ELAPOR2: variants seen among roughly 807,000 people sequenced by gnomAD.
The protein encoded by ELAPOR2 is endosome/lysosome-associated apoptosis and autophagy regulator family member 2.
Under a neutral mutation model 120.7 loss-of-function variants are expected in ELAPOR2, and 89 were observed. The ratio of observed to expected loss-of-function variants is 0.74; its 90% CI spans 0.62 to 0.88. ELAPOR2 has a LOEUF of 0.88. Ranked by LOEUF, ELAPOR2 falls within the 40% of genes least tolerant of loss-of-function variation. The pLI is 0.00. For synonymous variants in ELAPOR2, 444 were observed against 444.9 expected (o/e 1.00, Z 0.03); for missense variants, 1,134 against 1,251.6 (o/e 0.91, Z 1.42).
intron 18 of ELAPOR2, among the ~76,000 whole-genome samples, chr7:86,903,663 C>A (rs1411490062): frequency 1.3e-5 from 2 of 152,128 alleles, no homozygotes; most frequent in Non-Finnish European, 2.9e-5. Flanking sequence ...TTGAATATAA[C>A]AGGACAGAAC....
At chr7:86,900,595 A>G (rs894227591) in intron 18 of ELAPOR2, among the ~76,000 whole-genome samples, 8 of 152,230 alleles carry the variant, frequency 5.3e-5, no homozygotes, top group African/African-American at 1.9e-4. Flanking sequence ...TCAAAACACT[A>G]TAGTGCCTTT....
chr7:86,957,361 TA>T (rs1454287283), intron 2 of ELAPOR2, among the ~76,000 whole-genome samples: 2 of 152,204 alleles, frequency 1.3e-5, no homozygotes, highest in Admixed American at 1.3e-4. Context: ...AATAAAACAC[TA>T]AAGTCAATCT....
intron 3 of ELAPOR2, among the ~76,000 whole-genome samples, chr7:86,945,657 G>A (rs927188597): frequency 2.0e-5 from 3 of 152,122 alleles, no homozygotes; most frequent in Admixed American, 6.5e-5. Context: ...GGGTATAGAT[G>A]TAACTATGCT....
chr7:86,905,116 AAGGAAGGAAG>A (rs1307206995), intron 18 of ELAPOR2, among the ~76,000 whole-genome samples: 13 of 149,512 alleles, frequency 8.7e-5, no homozygotes, highest in African/African-American at 3.0e-4. Context: ...GGAAGGAAGG[AAGGAAGGAAG>A]GAAAGAAAGA....
At chr7:87,041,059 G>A (rs1483356481) in intron 1 of ELAPOR2, among the ~76,000 whole-genome samples, 1 of 152,002 alleles carries the variant, frequency 6.6e-6, no homozygotes, top group African/African-American at 2.4e-5. Context: ...GGGAAGTTTA[G>A]AGAAAAAAGA....
chr7:86,940,121 A>G lies in ELAPOR2; in HGVS notation c.742-6T>C. The G allele has an allele frequency of 6.3e-7, 1 of 1,594,168 alleles. No individual in the cohort carries two copies. Among genetic ancestry groups the G allele is most frequent in the East Asian group, 2.2e-5 (1 of 44,708 alleles). ...GTGCCTGATTTCAGCATTACCTATA[A>G]AGAGAAACATAAAGGCACTTAGGGC... On this transcript the variant is annotated splice_region_variant and splice_polypyrimidine_tract_variant and intron_variant, in intron 5 of 21. Transcript: ENST00000450689.
intron 1 of ELAPOR2, among the ~76,000 whole-genome samples, chr7:86,998,233 A>G (rs1156797925): frequency 6.6e-6 from 1 of 152,204 alleles, no homozygotes; most frequent in Admixed American, 6.5e-5. Flanking sequence ...TGGTAATATG[A>G]AAACACTCAA....
chr7:86,890,256 T>C (rs1350495079), intron 21 of ELAPOR2, among the ~76,000 whole-genome samples: 2 of 151,954 alleles, frequency 1.3e-5, no homozygotes, highest in Non-Finnish European at 2.9e-5. Context: ...AGAATCTTTG[T>C]ATAGAAAATT....
In ELAPOR2 at chr7:86,964,967, C is replaced by G; in HGVS notation, c.247G>C (p.Ala83Pro). ...CAGTCCACTGCAGAATTTGGAATGGCAACTCTCCACCTGGAGCCACTGCTA... is the reference window on the plus strand; with the variant it reads ...CAGTCCACTGCAGAATTTGGAATGGGAACTCTCCACCTGGAGCCACTGCTA... ...CDSSGSRWRV[A>P]IPNSAVDCSG... Residue 83 changes from alanine to proline, a missense_variant, in exon 2 of 22, where the codon GCC (alanine) becomes CCC (proline). Physicochemically the swap from Ala to Pro is conservative, Grantham distance 27 (BLOSUM62 -1). This residue lies in a region of ELAPOR2 where 280 missense variants were observed against 331.5 expected (regional missense o/e 0.84). Coordinates refer to ENST00000450689, the MANE Select transcript of ELAPOR2 (RefSeq NM_001142749.3). 1 of 1,551,502 alleles carries G rather than the reference C, an allele frequency of 6.4e-7. No homozygotes were observed. Among genetic ancestry groups the G allele is most frequent in the Non-Finnish European group, 8.7e-7 (1 of 1,146,784 alleles).
intron 1 of ELAPOR2, among the ~76,000 whole-genome samples, chr7:87,035,776 T>C (rs10271876): frequency 0.41 from 61,642 of 152,128 alleles, 14,053 homozygotes; most frequent in African/African-American, 0.62. Flanking sequence ...AGTAAAATTT[T>C]CCCATTCTAT....
At position 86,926,784 on chromosome 7, in the gene ELAPOR2, A is replaced by G. The variant is rs1790086134; in HGVS notation, c.1222T>C (p.Ser408Pro). ...CCAGGAGGACAGGGATGGCAAGAAG[A>G]TGATCCATTGTTATAAAATCCAGGG... ...CNPGFYNNGSSSCHPCPPGTF... is the reference protein window; with the variant it reads ...CNPGFYNNGSPSCHPCPPGTF... The change falls in exon 9 of 22, where the codon TCT becomes CCT. Residue 408 changes from serine to proline, a missense_variant. Transcript: ENST00000450689. 2 of 1,611,996 alleles carry G rather than the reference A, an allele frequency of 1.2e-6. No homozygotes were observed. Among genetic ancestry groups the G allele is most frequent in the Non-Finnish European group, 1.7e-6 (2 of 1,178,770 alleles).
At chr7:86,931,627 C>T (rs996951039) in intron 8 of ELAPOR2, among the ~76,000 whole-genome samples, 2 of 151,544 alleles carry the variant, frequency 1.3e-5, no homozygotes, top group South Asian at 2.1e-4. Context: ...ATTCAACAGA[C>T]GTTTCACTAC....
At chr7:86,996,460 A>C (rs1434432782) in intron 1 of ELAPOR2, among the ~76,000 whole-genome samples, 5 of 152,242 alleles carry the variant, frequency 3.3e-5, no homozygotes, top group Non-Finnish European at 7.3e-5. Context: ...ATGGCAGCTA[A>C]TCTGACTACA....
At chr7:87,007,813 A>T (rs1302033990) in intron 1 of ELAPOR2, among the ~76,000 whole-genome samples, 1 of 152,190 alleles carries the variant, frequency 6.6e-6, no homozygotes, top group African/African-American at 2.4e-5. Context: ...CAATTTGTGC[A>T]TCAAAATAAG....
chr7:86,949,967 T>G (rs1044794874), intron 2 of ELAPOR2, among the ~76,000 whole-genome samples: 4 of 152,164 alleles, frequency 2.6e-5, no homozygotes, highest in Non-Finnish European at 5.9e-5. Context: ...GGGGCTGGGT[T>G]GCCAGTCAGT....
intron 10 of ELAPOR2, among the ~76,000 whole-genome samples, chr7:86,923,749 T>C (rs1340348679): frequency 2.0e-5 from 3 of 152,116 alleles, no homozygotes; most frequent in East Asian, 1.9e-4. Flanking sequence ...ATATAACTTT[T>C]GTAAACATTA....
intron 18 of ELAPOR2, among the ~76,000 whole-genome samples, chr7:86,899,102 G>A (rs765294599): frequency 6.6e-6 from 1 of 152,128 alleles, no homozygotes; most frequent in African/African-American, 2.4e-5. Context: ...ATAGGATCAC[G>A]AAGAACTAAC....
At chr7:86,936,290 A>G (rs1790556908) in intron 8 of ELAPOR2, among the ~76,000 whole-genome samples, 1 of 152,016 alleles carries the variant, frequency 6.6e-6, no homozygotes, top group African/African-American at 2.4e-5. Flanking sequence ...CCATCATGGC[A>G]CACTGCAGCC....
intron 1 of ELAPOR2, among the ~76,000 whole-genome samples, chr7:86,997,732 G>T (rs1164310543): frequency 6.6e-6 from 1 of 152,114 alleles, no homozygotes; most frequent in Non-Finnish European, 1.5e-5. Context: ...CGGACCAAGG[G>T]TATCTTTGGT....
Sources: gnomAD v4.1 joint callset for allele counts (sites outside exome capture counted in the v4.1 genomes callset) on GRCh38, gnomAD v4.1.1 for gene constraint, gnomAD v4.1.1 regional missense constraint, MANE v1.5 for transcripts, NCBI Gene and HGNC (gene_info 2026-07-23, HGNC 2026-07-21) for gene names.